Variants in FGF14 observed in about 807,000 individuals in gnomAD.
FGF14 encodes the protein fibroblast growth factor 14.
Under a neutral mutation model 25.5 loss-of-function variants are expected in FGF14, and 5 were observed. The ratio of observed to expected loss-of-function variants is 0.20; its 90% CI spans 0.10 to 0.41. The LOEUF (loss-of-function observed/expected upper bound fraction) is 0.41, where lower values mean the gene tolerates loss of function less well. FGF14 is among the 10% of genes least tolerant of loss of function. The pLI is 1.00. For synonymous variants in FGF14, 138 were observed against 118.3 expected (o/e 1.17, Z -1.08); for missense variants, 222 against 320.1 (o/e 0.69, Z 2.34).
intron 3 of FGF14, among the ~76,000 whole-genome samples, chr13:101,850,480 A>C: frequency 3.9e-4 from 1 of 2,550 alleles, no homozygotes; most frequent in African/African-American, 2.8e-3. Flanking sequence ...ATATATATAT[A>C]TATATATATA....
chr13:101,884,746 A>G (rs750593393), intron 1 of FGF14, among the ~76,000 whole-genome samples: 2 of 152,100 alleles, frequency 1.3e-5, no homozygotes, highest in African/African-American at 2.4e-5. Context: ...TTTGAAAAAA[A>G]TCTTGAGAAA....
chr13:101,802,397 G>A, intron 3 of FGF14: 1 of 219,484 alleles, frequency 4.6e-6, no homozygotes, highest in East Asian at 1.3e-4. Flanking sequence ...AGGTGGAAGA[G>A]GAAGATGAAG....
In FGF14 at chr13:101,893,304, G is replaced by A. The variant is rs905726622; in HGVS notation, c.194-18008C>T. 2.2e-4 allele frequency among the ~76,000 whole-genome samples: 34 copies of A among 152,190 alleles called. 1 individual carries two copies. The highest frequency in any genetic ancestry group is 8.0e-4 in the African/African-American group (33 of 41,458). ...GCTCCTGCACCTTGAGCTGCATGAA[G>A]TCAGCCTGGGTTGTACCATCACAAT... On this transcript the variant is annotated intron_variant, in intron 1 of 4. Transcript: ENST00000376143.
intron 1 of FGF14, among the ~76,000 whole-genome samples, chr13:102,000,228 AGAATGGCTT>A (rs2039414230): frequency 6.6e-6 from 1 of 152,184 alleles, no homozygotes; most frequent in Non-Finnish European, 1.5e-5. Flanking sequence ...CTGAGACAGG[AGAATGGCTT>A]GAACCTGGGA....
intron 1 of FGF14, among the ~76,000 whole-genome samples, chr13:102,259,656 T>G (rs889249686): frequency 1.3e-5 from 2 of 152,074 alleles, no homozygotes; most frequent in Non-Finnish European, 2.9e-5. Context: ...TACCTTCACA[T>G]TCCCCAGAAG....
intron 1 of FGF14, among the ~76,000 whole-genome samples, chr13:102,150,407 A>C (rs890129591): frequency 6.6e-6 from 1 of 152,150 alleles, no homozygotes; most frequent in African/African-American, 2.4e-5. Flanking sequence ...TAACAACATA[A>C]ATGTAAATTG....
At chr13:102,179,431 T>C (rs2048578381) in intron 1 of FGF14, among the ~76,000 whole-genome samples, 1 of 152,122 alleles carries the variant, frequency 6.6e-6, no homozygotes, top group South Asian at 2.1e-4. Flanking sequence ...CACACAATCT[T>C]CTGTGAGCCC....
chr13:102,149,201 G>T (rs936653709), intron 1 of FGF14, among the ~76,000 whole-genome samples: 17 of 151,682 alleles, frequency 1.1e-4, no homozygotes, highest in African/African-American at 3.4e-4. Flanking sequence ...AACTATAATT[G>T]CTTTTTATAT....
At chr13:101,959,074 G>C (rs74108943) in intron 1 of FGF14, among the ~76,000 whole-genome samples, 1,542 of 152,222 alleles carry the variant, frequency 0.01, 27 homozygotes, top group African/African-American at 0.036. Flanking sequence ...ATGACTTCAG[G>C]ATGACTGTTT....
chr13:101,898,188 C>T (rs1410001408), intron 1 of FGF14, among the ~76,000 whole-genome samples: 1 of 152,056 alleles, frequency 6.6e-6, no homozygotes, highest in African/African-American at 2.4e-5. Context: ...AGCCATGGCA[C>T]CTTGAGTTTT....
At chr13:102,207,228 C>A (rs1338623712) in intron 1 of FGF14, among the ~76,000 whole-genome samples, 1 of 151,428 alleles carries the variant, frequency 6.6e-6, no homozygotes, top group East Asian at 1.9e-4. Flanking sequence ...TGCAGTGAGC[C>A]GAGATCATGC....
intron 1 of FGF14, among the ~76,000 whole-genome samples, chr13:102,075,751 C>G (rs1357676467): frequency 6.6e-6 from 1 of 152,138 alleles, no homozygotes; most frequent in Non-Finnish European, 1.5e-5. Context: ...GATGACAGTT[C>G]CATGCGTGTG....
At position 101,722,983 on chromosome 13, in the gene FGF14, AAGG is replaced by A. The variant is rs770725940; in HGVS notation, c.608-19_608-17del. The A allele has an allele frequency of 1.6e-5, 26 of 1,613,044 alleles. No individual in the cohort carries two copies. Among genetic ancestry groups the A allele is most frequent in the South Asian group, 2.2e-5 (2 of 91,064 alleles). Reference sequence around the variant, plus strand: ...TACATGGCAACTAGTGATGGGAAGAAAGGAGGAGGAAAAGCAAACATTGCTTGG... The same window carrying A: ...TACATGGCAACTAGTGATGGGAAGAAAGGAGGAAAAGCAAACATTGCTTGG... On this transcript the variant is annotated splice_polypyrimidine_tract_variant and intron_variant, in intron 4 of 4. Transcript: ENST00000376143.
intron 1 of FGF14, among the ~76,000 whole-genome samples, chr13:102,374,509 G>T (rs535866779): frequency 2.0e-5 from 3 of 151,242 alleles, no homozygotes; most frequent in Admixed American, 6.6e-5. Flanking sequence ...AAGTAGAAAG[G>T]CTGGCAGAAG....
At chr13:102,352,282 CACACACA>C (rs1566955800) in intron 1 of FGF14, among the ~76,000 whole-genome samples, 205 of 148,618 alleles carry the variant, frequency 1.4e-3, no homozygotes, top group African/African-American at 5.1e-3. Flanking sequence ...CACACACACA[CACACACA>C]CCTGCAACAT....
intron 1 of FGF14, among the ~76,000 whole-genome samples, chr13:101,980,746 T>G (rs374587534): frequency 8.5e-5 from 13 of 152,280 alleles, no homozygotes; most frequent in Middle Eastern, 3.4e-3. Flanking sequence ...TAATATTACA[T>G]CTACATTTCA....
chr13:101,724,597 AATATATATATATATATATATAT>A (rs201033233), intron 4 of FGF14, among the ~76,000 whole-genome samples: 4 of 121,286 alleles, frequency 3.3e-5, no homozygotes, highest in African/African-American at 6.1e-5. Flanking sequence ...ATAATAATAA[AATATATATATATATATATATAT>A]ATATATATAT....
At position 101,713,671 on chromosome 13, in the gene FGF14, A is replaced by G. The variant is rs1263278160; in HGVS notation, c.*9160T>C. 1 of 152,140 alleles carries G rather than the reference A, an allele frequency of 6.6e-6. No individual in the cohort carries two copies. Among genetic ancestry groups the G allele is most frequent in the East Asian group, 1.9e-4 (1 of 5,174 alleles). 9.4% of individuals were successfully genotyped at this position (152,140 alleles called of 1,614,324 possible). On this transcript the variant is annotated 3_prime_UTR_variant, in exon 5 of 5. Transcript: ENST00000376143. ...TTGGATACCATTCATCATCTCATTT[A>G]TTTTCTTTTATTTTAAATATATCAT...
At chr13:102,289,223 C>T (rs977188161) in intron 1 of FGF14, among the ~76,000 whole-genome samples, 5 of 152,140 alleles carry the variant, frequency 3.3e-5, no homozygotes, top group African/African-American at 9.7e-5. Flanking sequence ...TTTAATTCCA[C>T]CATGGGTCTG....
Sources: gnomAD v4.1 joint callset for allele counts (sites outside exome capture counted in the v4.1 genomes callset) on GRCh38, gnomAD v4.1.1 for gene constraint, MANE v1.5 for transcripts, NCBI Gene and HGNC (gene_info 2026-07-23, HGNC 2026-07-21) for gene names.